Variants in FERMT1 observed in about 807,000 individuals in gnomAD.
FERMT1 encodes the protein FERM domain containing kindlin 1, also known as fermitin family homolog 1.
Under a neutral mutation model 85.3 loss-of-function variants are expected in FERMT1, and 60 were observed. The observed-to-expected ratio is 0.70, with a 90% CI of 0.57 to 0.87. FERMT1 has a LOEUF of 0.87. Among genes scored for constraint, FERMT1 ranks in the 40% least tolerant of loss-of-function variants. The probability of loss-of-function intolerance (pLI) is 0.00; values close to 1 mark genes in which losing one functional copy is unlikely to be tolerated. For missense variants in FERMT1, 701 were observed against 818.9 expected, an observed-to-expected ratio of 0.86 and a Z score of 1.76; for synonymous variants, 275 against 301.1, an observed-to-expected ratio of 0.91 and a Z score of 0.90.
chr20:6,092,893 C>T (rs932838208), intron 9 of FERMT1, among the ~76,000 whole-genome samples: 4 of 152,006 alleles, frequency 2.6e-5, no homozygotes, highest in African/African-American at 9.7e-5. Flanking sequence ...TAGATTCCTG[C>T]CTCATTTCCT....
intron 14 of FERMT1, among the ~76,000 whole-genome samples, chr20:6,077,934 A>T (rs1981876601): frequency 6.6e-6 from 1 of 151,754 alleles, no homozygotes; most frequent in South Asian, 2.1e-4. Flanking sequence ...CATGCCTCGG[A>T]CCCCCAAAGT....
chr20:6,107,601 T>C lies in FERMT1; in HGVS notation c.780A>G (p.Gln260=), dbSNP rs754424986. 24 of 1,612,512 alleles carry C rather than the reference T, an allele frequency of 1.5e-5. No homozygotes were observed. The highest frequency in any genetic ancestry group is 5.0e-5 in the Admixed American group (3 of 59,964). Residue 260 remains glutamine, a synonymous_variant, in exon 6 of 15, where the codon CAA becomes CAG. Transcript: ENST00000217289. ...GCAGCTGCTCATCCTCTTGGATGCC[T>C]TGTTCCATAAGGGAGCGTGAGGAGT... The part of the protein sequence containing the change: ...WLDSSRSLME[Q]GIQEDEQLLL...
intron 3 of FERMT1, 129 bp from the exon 4 acceptor site, chr20:6,112,752 A>G: frequency 1.6e-6 from 1 of 624,926 alleles, no homozygotes; most frequent in South Asian, 2.5e-5. Context: ...ACTAAACTGC[A>G]TCCCTTTTGA....
chr20:6,112,199 C>T (rs1452766431), intron 4 of FERMT1, among the ~76,000 whole-genome samples: 4 of 152,062 alleles, frequency 2.6e-5, no homozygotes, highest in Admixed American at 2.0e-4. Flanking sequence ...CTAAATATCA[C>T]TCTTTTATCC....
rs1270279878 is a variant in FERMT1, at chr20:6,095,975, C to T, written c.1089+927G>A. 2.0e-5 allele frequency among the ~76,000 whole-genome samples: 3 copies of T among 152,162 alleles called. No individual in the cohort carries two copies. In the East Asian group the frequency reaches 5.8e-4, roughly 29 times the overall value. On this transcript the variant is annotated intron_variant, in intron 8 of 14. Transcript: ENST00000217289. The stretch of plus-strand genomic sequence containing the variant: ...AATTATTCCCATGGCCGAAGTTAAA[C>T]AAAAGTGTGGCACCTCATGAGTGAA...
intron 13 of FERMT1, among the ~76,000 whole-genome samples, chr20:6,083,296 C>A (rs1328927019): frequency 6.6e-6 from 1 of 152,046 alleles, no homozygotes; most frequent in Non-Finnish European, 1.5e-5. Context: ...CCAAGTGTGC[C>A]CTGGACTGGG....
At chr20:6,118,742 A>G (rs1356637073) in intron 2 of FERMT1, among the ~76,000 whole-genome samples, 1 of 152,204 alleles carries the variant, frequency 6.6e-6, no homozygotes, top group African/African-American at 2.4e-5. Context: ...AACAGGGAGC[A>G]TAGTAAACGG....
At position 6,096,884 on chromosome 20, in the gene FERMT1, A is replaced by G. The variant is rs1285466656; in HGVS notation, c.1089+18T>C. The G allele has an allele frequency of 3.1e-6, 5 of 1,598,250 alleles. No individual in the cohort carries two copies. In the South Asian group the frequency reaches 5.5e-5, roughly 18 times the overall value. ...CAGAAGAAAGCCACAGTTCTGGGTG[A>G]TCAGAAAAAGTTCATACCAAAAGGC... On this transcript the variant is annotated intron_variant, in intron 8 of 14. Transcript: ENST00000217289.
At chr20:6,114,381 G>T (rs995665332) in intron 3 of FERMT1, among the ~76,000 whole-genome samples, 3 of 152,210 alleles carry the variant, frequency 2.0e-5, no homozygotes, top group Admixed American at 1.3e-4. Context: ...GCAATGATTA[G>T]AAATGCCACG....
chr20:6,089,215 T>C (rs1190163169), intron 9 of FERMT1, 126 bp from the exon 10 acceptor site: 5 of 932,148 alleles, frequency 5.4e-6, no homozygotes, highest in Non-Finnish European at 6.6e-6. Context: ...TCAAAAATAA[T>C]TTCAAATTGC....
At position 6,075,198 on chromosome 20, in the gene FERMT1, G is replaced by A. The variant is rs1981782255; in HGVS notation, c.*1975C>T. 6.6e-6 allele frequency: 1 copy of A among 152,210 alleles called. No homozygotes were observed. The highest frequency in any genetic ancestry group is 2.4e-5 in the African/African-American group (1 of 41,414). The allele number at this position is 152,210 out of a possible 1,614,324, so 9.4% of individuals were successfully genotyped here. A position where few individuals can be genotyped will look rare whatever the true frequency, so the allele number is the denominator to read the frequency against. ...TTTCATGGAAATGTCAGACAACTAT[G>A]AAAAGCTAAGGAAGCATGTTGAACT... is the stretch of plus-strand genomic sequence containing the variant. On this transcript the variant is annotated 3_prime_UTR_variant, in exon 15 of 15. Coordinates refer to ENST00000217289, the MANE Select transcript of FERMT1 (RefSeq NM_017671.5).
chr20:6,088,843 C>T (rs563616000), intron 10 of FERMT1, 122 bp downstream of exon 10: 25 of 911,446 alleles, frequency 2.7e-5, no homozygotes, highest in Admixed American at 1.5e-4. Context: ...AGGCTGGTCT[C>T]GAACTCCTGA....
intron 1 of FERMT1, among the ~76,000 whole-genome samples, chr20:6,120,916 G>A (rs931496094): frequency 2.6e-5 from 4 of 152,156 alleles, no homozygotes; most frequent in African/African-American, 7.2e-5. Flanking sequence ...GGTAATATCC[G>A]AGGAACATTA....
At chr20:6,083,458 C>T (rs967157915) in intron 13 of FERMT1, among the ~76,000 whole-genome samples, 10 of 151,924 alleles carry the variant, frequency 6.6e-5, no homozygotes, top group African/African-American at 2.2e-4. Context: ...CTTGCGGGGA[C>T]CTCTCTAAAA....
intron 1 of FERMT1, 46 bp from the exon 2 acceptor site, chr20:6,119,618 C>T (rs919849648): frequency 2.2e-5 from 34 of 1,542,920 alleles, no homozygotes; most frequent in Admixed American, 1.1e-4. Flanking sequence ...GGGAAGGAAA[C>T]GGGACTTGTC....
chr20:6,084,228 G>T (rs1241090594), intron 12 of FERMT1, 64 bp from the exon 13 acceptor site: 67 of 1,547,406 alleles, frequency 4.3e-5, no homozygotes, highest in Non-Finnish European at 5.7e-5. Context: ...CACCCTGTTA[G>T]CTCCAGATCC....
At position 6,077,174 on chromosome 20, in the gene FERMT1, C is replaced by G; in HGVS notation, c.2033G>C (p.Ter678SerextTer74). 6.2e-7 allele frequency: 1 copy of G among 1,613,786 alleles called. No individual in the cohort carries two copies. The highest frequency in any genetic ancestry group is 1.1e-5 in the South Asian group (1 of 91,060). Reference sequence around the variant, plus strand: ...GTGAGCCGAGCACGCGTGCTTGTTTCAATCCTGACCGCCGGTCAATTTGTG... The same window carrying G: ...GTGAGCCGAGCACGCGTGCTTGTTTGAATCCTGACCGCCGGTCAATTTGTG... ...LFHKLTGGQD[*>S] Residue 678 changes from the stop codon to serine (S), a stop_lost, in exon 15 of 15, where the codon TGA becomes TCA. Coordinates refer to ENST00000217289, the MANE Select transcript of FERMT1 (RefSeq NM_017671.5).
In FERMT1 at chr20:6,094,982, T is replaced by A. The variant is rs755272944; in HGVS notation, c.1096A>T (p.Ile366Phe). Residue 366 changes from isoleucine to phenylalanine, a missense_variant, in exon 9 of 15, where the codon ATT (isoleucine) becomes TTT (phenylalanine). Physicochemically the swap from Ile to Phe is conservative, Grantham distance 21. Coordinates refer to ENST00000217289, the MANE Select transcript of FERMT1 (RefSeq NM_017671.5). ...TCTGCAAGTTTAGGGATATCAGTAA[T>A]GTCCTCCTAAGAAAAAACAAATAAA... ...GGKADSLLED[I>F]TDIPKLADNL... is the part of the protein sequence containing the mutation. 6.5e-7 allele frequency: 1 copy of A among 1,535,298 alleles called. No homozygotes were observed. The highest frequency in any genetic ancestry group is 9.0e-7 in the Non-Finnish European group (1 of 1,108,320).
rs558608861 is a variant in FERMT1, at chr20:6,119,134, G to C, written c.151+270C>G. On this transcript the variant is annotated intron_variant, in intron 2 of 14. Coordinates refer to ENST00000217289, the MANE Select transcript of FERMT1 (RefSeq NM_017671.5). ...GGCTAATTTTTGTGTTTTTAGTAGG[G>C]ATGGGGTTTCGCCATGTTGGCCAGC... 1.2e-3 allele frequency among the ~76,000 whole-genome samples: 180 copies of C among 152,214 alleles called. 1 individual carries two copies. The highest frequency in any genetic ancestry group is 2.1e-3 in the Non-Finnish European group (143 of 68,022).
Sources: allele counts gnomAD v4.1 joint callset (sites outside exome capture counted in the v4.1 genomes callset), GRCh38; gene constraint gnomAD v4.1.1; transcripts MANE v1.5; gene names NCBI Gene and HGNC (gene_info 2026-07-23, HGNC 2026-07-21).